Variants in C8orf34 observed in about 807,000 individuals in gnomAD.
C8orf34 encodes the protein chromosome 8 open reading frame 34.
C8orf34 carries 65 observed loss-of-function variants against 68.3 expected under a neutral mutation model. The observed-to-expected ratio is 0.95, with a 90% confidence interval of 0.78 to 1.17. The LOEUF is 1.17. C8orf34 is among the 50% of genes most tolerant of loss of function. The pLI is 0.00. For missense variants in C8orf34, 664 were observed against 655.4 expected (o/e 1.01, Z -0.14); for synonymous variants, 244 against 241.2 (o/e 1.01, Z -0.11).
chr8:68,393,183 A>T (rs1808544441), intron 1 of C8orf34, among the ~76,000 whole-genome samples: 1 of 152,134 alleles, frequency 6.6e-6, no homozygotes, highest in African/African-American at 2.4e-5. Flanking sequence ...ACCAGGGGAG[A>T]GTTTTAATCT....
chr8:68,332,854 T>C (rs995435113), intron 1 of C8orf34, among the ~76,000 whole-genome samples: 8 of 152,222 alleles, frequency 5.3e-5, no homozygotes, highest in African/African-American at 1.9e-4. Context: ...CGAAATAAAA[T>C]TGATGGAACT....
chr8:68,495,786 G>T (rs1813498622), intron 5 of C8orf34, among the ~76,000 whole-genome samples: 1 of 152,174 alleles, frequency 6.6e-6, no homozygotes, highest in Non-Finnish European at 1.5e-5. Context: ...TGTGCAATTG[G>T]TTATGTCATT....
intron 7 of C8orf34, among the ~76,000 whole-genome samples, chr8:68,540,401 A>G (rs949611179): frequency 6.6e-6 from 1 of 151,690 alleles, no homozygotes; most frequent in Non-Finnish European, 1.5e-5. Context: ...AAAATTTCAT[A>G]TATAGTTTTA....
chr8:68,743,814 C>A (rs1048031004), intron 10 of C8orf34, among the ~76,000 whole-genome samples: 1 of 152,174 alleles, frequency 6.6e-6, no homozygotes, highest in African/African-American at 2.4e-5. Flanking sequence ...GGGAGGGGCG[C>A]CCACCATTGC....
intron 4 of C8orf34, among the ~76,000 whole-genome samples, chr8:68,469,171 C>A (rs781718001): frequency 8.8e-4 from 134 of 152,078 alleles, no homozygotes; most frequent in Non-Finnish European, 1.3e-3. Flanking sequence ...TAAACATACC[C>A]ATTGCCTCTG....
intron 7 of C8orf34, among the ~76,000 whole-genome samples, chr8:68,614,303 A>G (rs1021768462): frequency 2.5e-4 from 38 of 152,046 alleles, no homozygotes; most frequent in African/African-American, 8.7e-4. Context: ...ATTAGATCGC[A>G]TTTGTCAATT....
rs548199193 is a variant in C8orf34 at position 68,491,996 on chromosome 8, G to C, written c.765+3945G>C. Among the ~76,000 whole-genome samples, 76 of 152,148 alleles carry C rather than the reference G, an allele frequency of 5.0e-4. 1 individual carries two copies. Among genetic ancestry groups the C allele is most frequent in the African/African-American group, 1.8e-3 (75 of 41,522 alleles). ...TATCCTTCAGCTGCTATGAGTGTTG[G>C]GTGTTTACACGCTTCTTTCCTCATC... On this transcript the variant is annotated intron_variant, in intron 5 of 13. Coordinates refer to ENST00000518698, the MANE Select transcript of C8orf34 (RefSeq NM_052958.4).
At chr8:68,530,611 C>T in intron 6 of C8orf34, 1 of 1,261,390 alleles carries the variant, frequency 7.9e-7, no homozygotes, top group Non-Finnish European at 1.0e-6. Context: ...ACACGTAATG[C>T]AATGATGCAG....
intron 1 of C8orf34, among the ~76,000 whole-genome samples, chr8:68,416,582 A>G (rs1252089154): frequency 6.6e-6 from 1 of 151,732 alleles, no homozygotes; most frequent in Non-Finnish European, 1.5e-5. Context: ...CCCAGGCTGG[A>G]GTGCAGTGGC....
intron 5 of C8orf34, among the ~76,000 whole-genome samples, chr8:68,501,999 C>A (rs1813795363): frequency 6.6e-6 from 1 of 152,126 alleles, no homozygotes; most frequent in Admixed American, 6.5e-5. Context: ...TTATTACCAA[C>A]CCAATAGAAT....
intron 7 of C8orf34, among the ~76,000 whole-genome samples, chr8:68,630,225 A>G (rs752830581): frequency 6.6e-5 from 10 of 152,150 alleles, no homozygotes; most frequent in Non-Finnish European, 1.3e-4. Context: ...ACTCACATTA[A>G]AAAAGGAAAA....
At chr8:68,647,563 G>A (rs1819216031) in intron 8 of C8orf34, among the ~76,000 whole-genome samples, 1 of 152,178 alleles carries the variant, frequency 6.6e-6, no homozygotes, top group Non-Finnish European at 1.5e-5. Flanking sequence ...TACTGGGAAT[G>A]ACTGAGGGAT....
intron 7 of C8orf34, among the ~76,000 whole-genome samples, chr8:68,589,965 A>G (rs1817335481): frequency 6.6e-6 from 1 of 150,880 alleles, no homozygotes; most frequent in South Asian, 2.1e-4. Context: ...AAGAAAGAAA[A>G]AAGGAGGACA....
At chr8:68,783,833 A>C (rs1205685405) in intron 11 of C8orf34, among the ~76,000 whole-genome samples, 1 of 152,156 alleles carries the variant, frequency 6.6e-6, no homozygotes. Flanking sequence ...GGCAAAAAAA[A>C]CTTTCTAAAT....
At chr8:68,621,547 G>C (rs979925959) in intron 7 of C8orf34, among the ~76,000 whole-genome samples, 1 of 152,202 alleles carries the variant, frequency 6.6e-6, no homozygotes, top group African/African-American at 2.4e-5. Flanking sequence ...CGGTCAACTT[G>C]GTTATGTCAT....
chr8:68,348,553 C>A (rs970855129), intron 1 of C8orf34, among the ~76,000 whole-genome samples: 1 of 152,092 alleles, frequency 6.6e-6, no homozygotes, highest in Non-Finnish European at 1.5e-5. Flanking sequence ...TTGCCTTGGG[C>A]AGTCTAGTCA....
At chr8:68,360,986 C>T (rs1180993183) in intron 1 of C8orf34, among the ~76,000 whole-genome samples, 1 of 151,996 alleles carries the variant, frequency 6.6e-6, no homozygotes, top group Non-Finnish European at 1.5e-5. Context: ...AACTCCTGAC[C>T]TCAGGTCATC....
intron 5 of C8orf34, among the ~76,000 whole-genome samples, chr8:68,503,720 G>A (rs999144002): frequency 6.7e-6 from 1 of 149,772 alleles, no homozygotes; most frequent in Non-Finnish European, 1.5e-5. Flanking sequence ...GAAAACTGAG[G>A]CCAAAGTGAC....
chr8:68,495,677 C>A (rs1390591665), intron 5 of C8orf34, among the ~76,000 whole-genome samples: 1 of 152,204 alleles, frequency 6.6e-6, no homozygotes, highest in Non-Finnish European at 1.5e-5. Context: ...ATAACAGAAG[C>A]ACTTGGAGTT....
Sources: allele counts gnomAD v4.1 joint callset (sites outside exome capture counted in the v4.1 genomes callset), GRCh38; gene constraint gnomAD v4.1.1; transcripts MANE v1.5; gene names NCBI Gene and HGNC (gene_info 2026-07-23, HGNC 2026-07-21).